CELA3B: variants seen among roughly 807,000 people sequenced by gnomAD.
CELA3B encodes chymotrypsin like elastase 3B.
Under a neutral mutation model 37.2 loss-of-function variants are expected in CELA3B, and 34 were observed. That is an observed-to-expected ratio of 0.91 (90% CI 0.70 to 1.22). The LOEUF (loss-of-function observed/expected upper bound fraction) is 1.22. Ranked by LOEUF, CELA3B falls within the 50% of genes most tolerant of loss-of-function variation. CELA3B has a pLI of 0.00. For synonymous variants in CELA3B, 127 were observed against 143.5 expected (o/e 0.89, Z 0.82); for missense variants, 340 against 363.1 (o/e 0.94, Z 0.52).
At chr1:21,993,139 A>G (rs1215949262), downstream of CELA3B, among the ~76,000 whole-genome samples, 1 of 151,278 alleles carries the variant, frequency 6.6e-6, no homozygotes, top group African/African-American at 2.5e-5. Flanking sequence ...TTAAATCAAC[A>G]AAATACTAAA....
At position 21,996,252 on chromosome 1, in the gene CELA3B, G is replaced by A. The variant is rs556260228; in HGVS notation, c.505-1899G>A. On this transcript the variant is annotated intron_variant, in intron 4 of 4. Transcript: ENST00000400277. ...CATTCCCAGACAGATAGCCAGTTAA[G>A]GTTAAGGCATTTTAGGTCACAGGAT... is the stretch of plus-strand genomic sequence containing the variant. Among the ~76,000 whole-genome samples, 196 of 151,012 alleles carry A rather than the reference G, an allele frequency of 1.3e-3. 5 individuals are homozygous for A. Among genetic ancestry groups the A allele is most frequent in the Middle Eastern group, 3.4e-3 (1 of 294 alleles).
At chr1:21,981,704 T>G (rs1425514185) in intron 4 of CELA3B, among the ~76,000 whole-genome samples, 1 of 149,934 alleles carries the variant, frequency 6.7e-6, no homozygotes, top group African/African-American at 2.4e-5. Context: ...GACAATCTTA[T>G]GCCCTTCAAG....
chr1:21,991,565 A>G (rs1480364779), downstream of CELA3B, among the ~76,000 whole-genome samples: 2 of 150,862 alleles, frequency 1.3e-5, no homozygotes, highest in South Asian at 2.1e-4. Flanking sequence ...CGAACTCCTG[A>G]CCTCAAGTGA....
intron 7 of CELA3B, chr1:21,987,651 A>T (rs1365979435): frequency 1.3e-5 from 2 of 151,176 alleles, no homozygotes; most frequent in African/African-American, 2.5e-5. Flanking sequence ...AGGTGGCCTA[A>T]GGAGGGGTGA....
At chr1:21,993,691 A>G (rs12403553), downstream of CELA3B, among the ~76,000 whole-genome samples, 26,644 of 138,984 alleles carry the variant, frequency 0.19, 4 homozygotes, top group East Asian at 0.32. Flanking sequence ...CTACAGGTGC[A>G]TGCTACCATG....
At chr1:21,997,618 G>T (rs1279801273) in intron 4 of CELA3B, among the ~76,000 whole-genome samples, 1 of 150,624 alleles carries the variant, frequency 6.6e-6, no homozygotes, top group Non-Finnish European at 1.5e-5. Context: ...GAACCCGGGA[G>T]GCGAAGGTGG....
intron 4 of CELA3B, among the ~76,000 whole-genome samples, chr1:21,996,191 C>A (rs1205433180): frequency 6.6e-6 from 1 of 151,074 alleles, no homozygotes; most frequent in Non-Finnish European, 1.5e-5. Flanking sequence ...CCAGCCTGAG[C>A]GACAGCCAGG....
intron 5 of CELA3B, 132 bp downstream of exon 5, chr1:21,983,962 C>G: frequency 3.6e-6 from 5 of 1,403,584 alleles, no homozygotes; most frequent in Non-Finnish European, 4.9e-6. Context: ...GCAGCCTTCT[C>G]CCACCAACCT....
rs550752207 is a variant in CELA3B, at chr1:21,985,280, C to CTTTT, written c.642+961_642+964dup. On this transcript the variant is annotated intron_variant, in intron 6 of 7. Transcript: ENST00000337107. The stretch of plus-strand genomic sequence containing the variant: ...CCTGGGCGACAGAGCAAGATGTTGT[C>CTTTT]TTTTTTTTTTTTTTTGAGACAGGAT... Among the ~76,000 whole-genome samples, 18 of 145,586 alleles carry CTTTT rather than the reference C, an allele frequency of 1.2e-4. 5 individuals are homozygous for CTTTT. Among genetic ancestry groups the CTTTT allele is most frequent in the South Asian group, 2.1e-4 (1 of 4,678 alleles).
downstream of CELA3B, among the ~76,000 whole-genome samples, chr1:21,993,587 C>T (rs1317939149): frequency 5.3e-5 from 8 of 150,866 alleles, no homozygotes; most frequent in South Asian, 2.1e-4. Flanking sequence ...CTCTGTTGTC[C>T]GGCTGGAGTA....
At chr1:21,981,380 A>G (rs1240602368) in intron 4 of CELA3B, among the ~76,000 whole-genome samples, 1 of 146,398 alleles carries the variant, frequency 6.8e-6, no homozygotes, top group Admixed American at 7.0e-5. Context: ...CTCCCTACAG[A>G]GGGGATGGCA....
chr1:21,995,521 T>C (rs955366051), intron 4 of CELA3B, among the ~76,000 whole-genome samples: 17 of 151,328 alleles, frequency 1.1e-4, no homozygotes, highest in African/African-American at 2.7e-4. Flanking sequence ...CAGGTGAGGC[T>C]GTGTGCTGAT....
At chr1:21,982,217 C>A (rs913968285) in intron 4 of CELA3B, among the ~76,000 whole-genome samples, 1 of 152,220 alleles carries the variant, frequency 6.6e-6, no homozygotes, top group African/African-American at 2.4e-5. Flanking sequence ...GACAAAAGGA[C>A]TGGAGTGACA....
Position 21,996,090 on chromosome 1 carries a change from G to A in CELA3B, c.505-2061G>A, listed in dbSNP as rs530378570. ...TAGCCGGGCGTGGTGGCACATGCCT[G>A]TAGTTCCAGCTACTGGGGAGGCTGA... On this transcript the variant is annotated intron_variant, in intron 4 of 4. Coordinates refer to the CELA3B transcript ENST00000400277. 5.1e-4 allele frequency among the ~76,000 whole-genome samples: 77 copies of A among 151,344 alleles called. 7 individuals are homozygous for A. The highest frequency in any genetic ancestry group is 1.8e-3 in the African/African-American group (73 of 40,912).
chr1:21,981,872 C>T (rs558636349), intron 4 of CELA3B, among the ~76,000 whole-genome samples: 3 of 152,018 alleles, frequency 2.0e-5, no homozygotes, highest in Non-Finnish European at 4.4e-5. Flanking sequence ...ACTACAGGCG[C>T]CCGCCACCAC....
chr1:21,986,309 G>T (rs1644838465), intron 6 of CELA3B, among the ~76,000 whole-genome samples: 2 of 151,886 alleles, frequency 1.3e-5, no homozygotes, highest in Admixed American at 1.3e-4. Context: ...CCGGGAGACG[G>T]AGGTTGCAAT....
chr1:21,994,059 C>T (rs12134291), downstream of CELA3B, among the ~76,000 whole-genome samples: 6,192 of 151,224 alleles, frequency 0.041, 79 homozygotes, highest in African/African-American at 0.11. Context: ...CCTTCAAAGG[C>T]CTCCTGTGGC....
intron 6 of CELA3B, among the ~76,000 whole-genome samples, chr1:21,985,278 G>GTA (rs756955402): frequency 2.0e-5 from 1 of 50,316 alleles, no homozygotes; most frequent in Non-Finnish European, 4.8e-5. Flanking sequence ...GCAAGATGTT[G>GTA]TCTTTTTTTT....
chr1:21,993,417 G>A (rs1426325667), downstream of CELA3B, among the ~76,000 whole-genome samples: 16 of 136,586 alleles, frequency 1.2e-4, no homozygotes, highest in African/African-American at 4.6e-4. Context: ...AGCTGAGATC[G>A]CACCACTGCA....
Sources: allele counts gnomAD v4.1 joint callset (sites outside exome capture counted in the v4.1 genomes callset), GRCh38; gene constraint gnomAD v4.1.1; transcripts MANE v1.5; gene names NCBI Gene and HGNC (gene_info 2026-07-23, HGNC 2026-07-21).